The following KLHL42 variants were observed in gnomAD, a reference collection of about 807,000 sequenced individuals.
The protein encoded by KLHL42 is kelch-like protein 42.
Under a neutral mutation model 32.7 loss-of-function variants are expected in KLHL42, and 27 were observed. The ratio of observed to expected loss-of-function variants is 0.83; its 90% CI spans 0.61 to 1.14. The LOEUF (loss-of-function observed/expected upper bound fraction) is 1.14, where lower values mean the gene tolerates loss of function less well. Among genes scored for constraint, KLHL42 ranks in the 50% most tolerant of loss-of-function variants. The pLI, the probability that KLHL42 is intolerant of heterozygous loss-of-function variation, is 0.00. For missense variants in KLHL42, 491 were observed against 560.8 expected (o/e 0.88, Z 1.26); for synonymous variants, 267 against 248.2 (o/e 1.08, Z -0.71).
At chr12:27,783,111 TAATC>T (rs747013231) in intron 1 of KLHL42, among the ~76,000 whole-genome samples, 24 of 152,300 alleles carry the variant, frequency 1.6e-4, no homozygotes, top group Non-Finnish European at 2.5e-4. Flanking sequence ...ACCAATAACA[TAATC>T]AATTAATACA....
intron 1 of KLHL42, among the ~76,000 whole-genome samples, chr12:27,791,212 A>T (rs1389628428): frequency 2.0e-5 from 3 of 152,272 alleles, no homozygotes; most frequent in Admixed American, 2.0e-4. Context: ...TTGTGCAAGG[A>T]TCTCCTGACC....
intron 1 of KLHL42, among the ~76,000 whole-genome samples, 162 bp from the exon 2 acceptor site, chr12:27,791,546 C>T (rs117507890): frequency 6.6e-5 from 10 of 152,284 alleles, no homozygotes; most frequent in Non-Finnish European, 1.3e-4. Context: ...GAGTGAGATT[C>T]GAGAAGCCAT....
chr12:27,790,194 A>C (rs567309748), intron 1 of KLHL42, among the ~76,000 whole-genome samples: 9 of 152,304 alleles, frequency 5.9e-5, no homozygotes, highest in African/African-American at 2.2e-4. Context: ...TTGGTCTAGC[A>C]CCTTTATTTC....
Position 27,780,381 on chromosome 12 carries a change from G to C in KLHL42, c.51G>C (p.Pro17=). The part of the protein sequence containing the change: ...VQIRLEDRCY[P]VSKRKLIEQS... ...TCCGCCTGGAGGACCGCTGCTACCC[G>C]GTGAGCAAGAGGAAGCTCATCGAGC... Residue 17 remains proline, a synonymous_variant, in exon 1 of 3, where the codon CCG becomes CCC. Coordinates refer to ENST00000381271, the MANE Select transcript of KLHL42 (RefSeq NM_020782.2). The surrounding 1 kb of genome is among the most constrained non-coding windows in gnomAD (Gnocchi z 8.8). The C allele has an allele frequency of 6.3e-7, 1 of 1,582,380 alleles. No individual in the cohort carries two copies. Among genetic ancestry groups the C allele is most frequent in the Non-Finnish European group, 8.6e-7 (1 of 1,166,496 alleles).
chr12:27,784,208 C>T (rs553317212), intron 1 of KLHL42, among the ~76,000 whole-genome samples: 7 of 148,806 alleles, frequency 4.7e-5, no homozygotes, highest in African/African-American at 1.5e-4. Flanking sequence ...GATCTCGGCT[C>T]ACTGCAAGCT....
chr12:27,792,371 C>T (rs780442096), intron 2 of KLHL42, among the ~76,000 whole-genome samples: 9 of 152,140 alleles, frequency 5.9e-5, no homozygotes, highest in Admixed American at 2.6e-4. Context: ...CTCATTTTCT[C>T]TCTTTGTGAG....
rs1007226153 is a variant in KLHL42 at position 27,792,594 on chromosome 12, G to T, written c.1066+693G>T. Among the ~76,000 whole-genome samples, 11 of 152,232 alleles carry T rather than the reference G, an allele frequency of 7.2e-5. No homozygotes were observed. In the East Asian group the frequency reaches 1.4e-3, roughly 19 times the overall value. ...GCTGGAGTGCAGTGGCGTGATCTCG[G>T]CTCACTGCAATCTCTGCCTCCTGGG... On this transcript the variant is annotated intron_variant, in intron 2 of 2. Transcript: ENST00000381271.
rs1195760542 is a variant in KLHL42, at chr12:27,802,992, G to T, written c.*4826G>T. On this transcript the variant is annotated 3_prime_UTR_variant, in exon 3 of 3. Transcript: ENST00000381271. ...CCCACTATAACAGCATTCCTTTTGT[G>T]TTTAGAACTATAGAAGAAAATGTCT... 2 of 152,150 alleles carry T rather than the reference G, an allele frequency of 1.3e-5. No homozygotes were observed. The highest frequency in any genetic ancestry group is 4.8e-5 in the African/African-American group (2 of 41,424). 9.4% of individuals were successfully genotyped at this position (152,150 alleles called of 1,614,324 possible).
At chr12:27,792,097 TTGTG>T in intron 2 of KLHL42, 196 bp downstream of exon 2, 1 of 433,052 alleles carries the variant, frequency 2.3e-6, no homozygotes, top group South Asian at 5.0e-5. Flanking sequence ...TTTGATAACT[TTGTG>T]TGAGCATGAA....
chr12:27,796,637 C>CT lies in KLHL42; in HGVS notation c.1067-1068dup, dbSNP rs537105789. ...CCATATTTTTCCTTAAAGAAAATTA[C>CT]TTTTTTTTTTGAGAGAACAGGATCT... On this transcript the variant is annotated intron_variant, in intron 2 of 2. Coordinates refer to ENST00000381271, the MANE Select transcript of KLHL42 (RefSeq NM_020782.2). Among the ~76,000 whole-genome samples, 652 of 149,046 alleles carry CT rather than the reference C, an allele frequency of 4.4e-3. 3 individuals are homozygous for CT. Among genetic ancestry groups the CT allele is most frequent in the African/African-American group, 0.014 (570 of 40,734 alleles).
chr12:27,801,077 A>T lies in KLHL42; in HGVS notation c.*2911A>T, dbSNP rs2062245310. On this transcript the variant is annotated 3_prime_UTR_variant, in exon 3 of 3. Coordinates refer to ENST00000381271, the MANE Select transcript of KLHL42 (RefSeq NM_020782.2). ...AGGTTTTCTGATGAATGTGTGAAAG[A>T]GTTGATTATTTCAACAGTATTGGTT... is the stretch of plus-strand genomic sequence containing the variant. 1 of 152,628 alleles carries T rather than the reference A, an allele frequency of 6.6e-6. No individual in the cohort carries two copies. Among genetic ancestry groups the T allele is most frequent in the Non-Finnish European group, 1.5e-5 (1 of 68,040 alleles). The allele number at this position is 152,628 out of a possible 1,614,324, so 9.5% of individuals were successfully genotyped here.
At chr12:27,788,042 C>G (rs1429447186) in intron 1 of KLHL42, 1 of 152,140 alleles carries the variant, frequency 6.6e-6, no homozygotes, top group South Asian at 2.1e-4. Context: ...TTCCTAGTCC[C>G]TAGGGGAAGT....
intron 2 of KLHL42, among the ~76,000 whole-genome samples, chr12:27,797,064 A>G (rs1028644851): frequency 1.3e-5 from 2 of 151,932 alleles, no homozygotes; most frequent in Admixed American, 6.6e-5. Flanking sequence ...GACCTTTGTT[A>G]GTGTCTCTCT....
At chr12:27,791,932 C>G (rs1470123261) in intron 2 of KLHL42, 31 bp downstream of exon 2, 1 of 1,598,820 alleles carries the variant, frequency 6.3e-7, no homozygotes. Flanking sequence ...GGTGGTCTGC[C>G]CATGTGTAGG....
At chr12:27,784,644 A>T (rs967219063) in intron 1 of KLHL42, among the ~76,000 whole-genome samples, 2 of 152,318 alleles carry the variant, frequency 1.3e-5, no homozygotes, top group Admixed American at 1.3e-4. Context: ...TTAAAAATAA[A>T]TAAATAAATA....
intron 2 of KLHL42, chr12:27,797,432 A>G (rs2062223949): frequency 1.9e-6 from 1 of 525,584 alleles, no homozygotes; most frequent in South Asian, 1.7e-5. Flanking sequence ...TGGGGATACC[A>G]GGGAGGAGGG....
chr12:27,800,404 A>G lies in KLHL42; in HGVS notation c.*2238A>G. 1 of 984,150 alleles carries G rather than the reference A, an allele frequency of 1.0e-6. No individual in the cohort carries two copies. The highest frequency in any genetic ancestry group is 1.2e-6 in the Non-Finnish European group (1 of 829,026). 61.0% of individuals were successfully genotyped at this position (984,150 alleles called of 1,614,324 possible). A position where few individuals can be genotyped will look rare whatever the true frequency, so the allele number is the denominator to read the frequency against. On this transcript the variant is annotated 3_prime_UTR_variant, in exon 3 of 3. Coordinates refer to ENST00000381271, the MANE Select transcript of KLHL42 (RefSeq NM_020782.2). ...TGCATATTATAGCTCTCTTTAAGACAGACATCTAAAAAGATTTTGGTTATT... is the reference window on the plus strand; with the variant it reads ...TGCATATTATAGCTCTCTTTAAGACGGACATCTAAAAAGATTTTGGTTATT...
Position 27,793,639 on chromosome 12 carries a change from C to T in KLHL42, c.1066+1738C>T, listed in dbSNP as rs1283050573. On this transcript the variant is annotated intron_variant, in intron 2 of 2. Transcript: ENST00000381271. ...CAAGCAGAGGGGTGCCTTTCCTTCC[C>T]TCTACTCTCCAAAGCAGATGTCTCC... 2.6e-5 allele frequency among the ~76,000 whole-genome samples: 4 copies of T among 152,146 alleles called. No individual in the cohort carries two copies. The East Asian group carries it at 5.8e-4, about 22-fold the overall frequency.
intron 1 of KLHL42, among the ~76,000 whole-genome samples, chr12:27,788,945 G>A (rs1228133208): frequency 1.3e-5 from 2 of 152,188 alleles, no homozygotes; most frequent in Non-Finnish European, 2.9e-5. Flanking sequence ...GTAGTTGATA[G>A]CTTGAATTTA....
Sources: gnomAD v4.1 joint callset for allele counts (sites outside exome capture counted in the v4.1 genomes callset) on GRCh38, gnomAD v4.1.1 for gene constraint, Gnocchi (gnomAD v3.1) non-coding constraint, MANE v1.5 for transcripts, NCBI Gene and HGNC (gene_info 2026-07-23, HGNC 2026-07-21) for gene names.